The following FASTKD2 variants were observed in gnomAD, a reference collection of about 807,000 sequenced individuals.
The protein encoded by FASTKD2 is FAST kinase domains 2.
A neutral mutation model predicts 63.6 loss-of-function variants in FASTKD2; 51 were observed. The ratio of observed to expected loss-of-function variants is 0.80; its 90% CI spans 0.64 to 1.01. The LOEUF (loss-of-function observed/expected upper bound fraction) is 1.01. Among genes scored for constraint, FASTKD2 ranks in the 50% least tolerant of loss-of-function variants. FASTKD2 has a pLI of 0.00. For missense variants in FASTKD2, 786 were observed against 831.1 expected (o/e 0.95, Z 0.67); for synonymous variants, 284 against 293.4 (o/e 0.97, Z 0.33).
At position 206,795,712 on chromosome 2, in the gene FASTKD2, A is replaced by G. The variant is rs1219119647; in HGVS notation, c.*3910A>G. ...ACCTACTTGAAACTGGGAAGGCCAA[A>G]TGAGATAGAGGTAATGTTTCTGCCA... On this transcript the variant is annotated 3_prime_UTR_variant, in exon 12 of 12. Coordinates refer to ENST00000402774, the MANE Select transcript of FASTKD2 (RefSeq NM_001136193.2). Among the ~76,000 whole-genome samples, 1 of 152,222 alleles carries G rather than the reference A, an allele frequency of 6.6e-6. No individual in the cohort carries two copies. Among genetic ancestry groups the G allele is most frequent in the African/African-American group, 2.4e-5 (1 of 41,458 alleles).
At chr2:206,782,473 C>T (rs528557238) in intron 7 of FASTKD2, among the ~76,000 whole-genome samples, 44 of 152,300 alleles carry the variant, frequency 2.9e-4, no homozygotes, top group Non-Finnish European at 5.4e-4. Context: ...TGGTCTCAAG[C>T]TACTGCTTTC....
chr2:206,769,178 T>C (rs1479104187), intron 2 of FASTKD2, among the ~76,000 whole-genome samples: 1 of 152,226 alleles, frequency 6.6e-6, no homozygotes, highest in Non-Finnish European at 1.5e-5. Context: ...TTCAAACACA[T>C]AGACAAGTGG....
chr2:206,790,828 C>A (rs1690265907), intron 11 of FASTKD2, 142 bp downstream of exon 11: 1 of 683,266 alleles, frequency 1.5e-6, no homozygotes, highest in East Asian at 2.7e-5. Context: ...TTACTGTTTT[C>A]TTTGAAAAAG....
intron 7 of FASTKD2, among the ~76,000 whole-genome samples, chr2:206,775,850 A>G (rs921585423): frequency 6.6e-6 from 1 of 151,960 alleles, no homozygotes; most frequent in African/African-American, 2.4e-5. Context: ...AACATTGTGC[A>G]AGGGTTCCAA....
rs374834829 is a variant in FASTKD2 at position 206,788,072 on chromosome 2, A to C, written c.1730A>C (p.Lys577Thr). The C allele has an allele frequency of 5.0e-6, 8 of 1,613,784 alleles. No individual in the cohort carries two copies. Among genetic ancestry groups the C allele is most frequent in the Non-Finnish European group, 6.8e-6 (8 of 1,179,794 alleles). ...CTGCCATCGTCACATACAAATGCAAAGGTGGCAGAGGTGCTGAGCAGCCTT... is the reference window on the plus strand; with the variant it reads ...CTGCCATCGTCACATACAAATGCAACGGTGGCAGAGGTGCTGAGCAGCCTT... ...RELPSSHTNA[K>T]VAEVLSSLLG... The change falls in exon 9 of 12, where the codon AAG becomes ACG. Residue 577 changes from lysine to threonine, a missense_variant. Transcript: ENST00000402774.
At chr2:206,790,473 G>A in intron 10 of FASTKD2, 99 bp from the exon 11 acceptor site, 4 of 787,038 alleles carry the variant, frequency 5.1e-6, no homozygotes, top group Non-Finnish European at 9.1e-6. Flanking sequence ...ATTGTGGTCG[G>A]TGGAGAGCTC....
At position 206,767,368 on chromosome 2, in the gene FASTKD2, G is replaced by A. The variant is rs1689547541; in HGVS notation, c.675G>A (p.Lys225=). 1 of 1,613,872 alleles carries A rather than the reference G, an allele frequency of 6.2e-7. No homozygotes were observed. The highest frequency in any genetic ancestry group is 1.3e-5 in the African/African-American group (1 of 74,924). The change falls in exon 2 of 12, where the codon AAG becomes AAA. Residue 225 remains lysine (K), a synonymous_variant. Transcript: ENST00000402774. ...GTGAACATATGATGAGAGAAGCCAA[G>A]ATCATGCAGTATAAGTACCTACTGT... ...QLCEHMMREA[K]IMQYKYLLFS...
At chr2:206,768,019 G>A (rs1245548688) in intron 2 of FASTKD2, among the ~76,000 whole-genome samples, 3 of 152,204 alleles carry the variant, frequency 2.0e-5, no homozygotes, top group East Asian at 3.9e-4. Flanking sequence ...AACAAGTTTT[G>A]TACATGGCGA....
intron 7 of FASTKD2, among the ~76,000 whole-genome samples, chr2:206,785,000 G>T (rs972467368): frequency 6.6e-6 from 1 of 152,218 alleles, no homozygotes; most frequent in African/African-American, 2.4e-5. Flanking sequence ...CTTTACAAAA[G>T]AAAGAGGTTT....
chr2:206,771,746 T>C (rs965093188), intron 4 of FASTKD2, 148 bp from the exon 5 acceptor site: 1 of 620,116 alleles, frequency 1.6e-6, no homozygotes, highest in Non-Finnish European at 2.9e-6. Flanking sequence ...CCCAGCTACA[T>C]GGGCGGCTGA....
chr2:206,771,758 G>A, intron 4 of FASTKD2, 136 bp from the exon 5 acceptor site: 2 of 686,202 alleles, frequency 2.9e-6, no homozygotes, highest in Non-Finnish European at 5.1e-6. Flanking sequence ...GGCGGCTGAG[G>A]CAGGAGGATC....
chr2:206,786,617 G>A, intron 7 of FASTKD2, 116 bp from the exon 8 acceptor site: 2 of 888,398 alleles, frequency 2.3e-6, no homozygotes, highest in South Asian at 2.6e-5. Context: ...CAACTGTCCA[G>A]AATGATGTGT....
chr2:206,788,819 AT>A lies in FASTKD2; in HGVS notation c.1818del (p.Phe606LeufsTer29). 1 of 1,481,878 alleles carries A rather than the reference AT, an allele frequency of 6.7e-7. No homozygotes were observed. The highest frequency in any genetic ancestry group is 9.4e-7 in the Non-Finnish European group (1 of 1,060,556). 91.8% of individuals were successfully genotyped at this position (1,481,878 alleles called of 1,614,324 possible). On this transcript the variant is annotated frameshift_variant and splice_region_variant, in exon 10 of 12. Coordinates refer to ENST00000402774, the MANE Select transcript of FASTKD2 (RefSeq NM_001136193.2). LOFTEE classifies it high-confidence loss of function. ...ATTAATATCAATTCTTTCCTTTCAG[AT>A]TTTGAAATCAGAATGGACACTAACA... is the stretch of plus-strand genomic sequence containing the variant. ...DVHLPHNYHI[D>X]FEIRMDTNRN... is the part of the protein sequence containing the mutation.
At chr2:206,774,726 T>G (rs1166720661) in intron 7 of FASTKD2, among the ~76,000 whole-genome samples, 1 of 152,106 alleles carries the variant, frequency 6.6e-6, no homozygotes, top group East Asian at 1.9e-4. Flanking sequence ...GAAATCTGTC[T>G]TTTAAAAAAT....
chr2:206,772,211 T>C lies in FASTKD2; in HGVS notation c.1145T>C (p.Met382Thr), dbSNP rs1689703320. ...ATCCATGGGTGTCCTTTAAGAATAA[T>C]GATCAACATATTGCAGTCCTGCAAA... ...DNIHGCPLRI[M>T]INILQSCKDL... The change falls in exon 6 of 12, where the codon ATG (methionine) becomes ACG (threonine). Residue 382 changes from methionine (M) to threonine (T), a missense_variant. By Grantham distance (81) the Met-to-Thr change is moderately conservative. Coordinates refer to ENST00000402774, the MANE Select transcript of FASTKD2 (RefSeq NM_001136193.2). The C allele has an allele frequency of 6.8e-6, 11 of 1,613,224 alleles. No individual in the cohort carries two copies. In the East Asian group the frequency reaches 1.1e-4, roughly 16 times the overall value.
rs535264688 is a variant in FASTKD2 at position 206,794,914 on chromosome 2, A to G, written c.*3112A>G. 1.2e-4 allele frequency among the ~76,000 whole-genome samples: 18 copies of G among 152,314 alleles called. No individual in the cohort carries two copies. The highest frequency in any genetic ancestry group is 5.2e-4 in the Admixed American group (8 of 15,308). ...ATAGAGATTTGGGGCATCTACTTGG[A>G]ACTACCTATGAGGAGCTGGCATTCC... On this transcript the variant is annotated 3_prime_UTR_variant, in exon 12 of 12. Coordinates refer to ENST00000402774, the MANE Select transcript of FASTKD2 (RefSeq NM_001136193.2).
chr2:206,767,565 C>T (rs1689558590), intron 2 of FASTKD2, 95 bp downstream of exon 2: 1 of 960,884 alleles, frequency 1.0e-6, no homozygotes. Flanking sequence ...TTAAAAGAGA[C>T]TATCAAATGG....
chr2:206,787,048 G>T (rs1000924521), intron 8 of FASTKD2, 149 bp downstream of exon 8: 11 of 622,520 alleles, frequency 1.8e-5, no homozygotes, highest in Non-Finnish European at 3.1e-5. Flanking sequence ...TGATAATGGT[G>T]AAGTCAAAGG....
At chr2:206,771,128 T>C in intron 3 of FASTKD2, 54 bp from the exon 4 acceptor site, 1 of 1,116,716 alleles carries the variant, frequency 9.0e-7, no homozygotes. Flanking sequence ...TTTTAAGATT[T>C]TTCTTCTGCT....
Sources: gnomAD v4.1 joint callset for allele counts (sites outside exome capture counted in the v4.1 genomes callset) on GRCh38, gnomAD v4.1.1 for gene constraint, MANE v1.5 for transcripts, NCBI Gene and HGNC (gene_info 2026-07-23, HGNC 2026-07-21) for gene names.